EIF2A: variants seen among roughly 807,000 people sequenced by gnomAD.
The protein encoded by EIF2A is eukaryotic translation initiation factor 2A.
In EIF2A, 62 loss-of-function variants were observed where a neutral mutation model predicts 75.2. The ratio of observed to expected loss-of-function variants is 0.82; its 90% confidence interval spans 0.67 to 1.02. The LOEUF is 1.02. Ranked by LOEUF, EIF2A falls within the 50% of genes least tolerant of loss-of-function variation. The pLI is 0.00. For missense variants in EIF2A, 611 were observed against 677.7 expected, an observed-to-expected ratio of 0.90 and a Z score of 1.09; for synonymous variants, 207 against 239.0, an observed-to-expected ratio of 0.87 and a Z score of 1.23.
At chr3:150,572,985 C>T (rs1724630840) in intron 10 of EIF2A, among the ~76,000 whole-genome samples, 2 of 151,828 alleles carry the variant, frequency 1.3e-5, no homozygotes, top group African/African-American at 2.4e-5. Flanking sequence ...TATATAAAGA[C>T]ATAACATGAT....
In EIF2A at chr3:150,563,578, G is replaced by A; in HGVS notation, c.356G>A (p.Cys119Tyr). ...CTTTATGATGTGAAAACTGGGACAT[G>A]TTTGAAATCTTTCATCCAGAAAAAA... ...LQLYDVKTGT[C>Y]LKSFIQKKMQ... The change falls in exon 5 of 14, where the codon TGT (cysteine) becomes TAT (tyrosine). Residue 119 changes from cysteine (C) to tyrosine (Y), a missense_variant. Transcript: ENST00000460851. 1 of 1,539,680 alleles carries A rather than the reference G, an allele frequency of 6.5e-7. No homozygotes were observed. Among genetic ancestry groups the A allele is most frequent in the Non-Finnish European group, 8.7e-7 (1 of 1,144,122 alleles).
chr3:150,548,644 A>G (rs750396638), intron 1 of EIF2A, among the ~76,000 whole-genome samples: 3 of 152,364 alleles, frequency 2.0e-5, no homozygotes, highest in East Asian at 3.9e-4. Flanking sequence ...TGAACTGTGC[A>G]TACAAGAGAT....
At chr3:150,560,297 G>A (rs1723781809) in intron 3 of EIF2A, among the ~76,000 whole-genome samples, 1 of 152,102 alleles carries the variant, frequency 6.6e-6, no homozygotes, top group African/African-American at 2.4e-5. Context: ...TTGTTCTGGG[G>A]CAAGAGAACT....
At chr3:150,553,213 C>T (rs1469898791) in intron 2 of EIF2A, among the ~76,000 whole-genome samples, 11 of 151,146 alleles carry the variant, frequency 7.3e-5, no homozygotes. Context: ...AGCTACTCTA[C>T]TCGGGAGGCT....
chr3:150,573,925 G>A (rs983684265), intron 10 of EIF2A, among the ~76,000 whole-genome samples: 6 of 152,008 alleles, frequency 3.9e-5, no homozygotes, highest in South Asian at 2.1e-4. Flanking sequence ...AAATGCGTTC[G>A]TTGGTCCGGT....
At chr3:150,550,398 T>C (rs1262064428) in intron 1 of EIF2A, among the ~76,000 whole-genome samples, 1 of 152,254 alleles carries the variant, frequency 6.6e-6, no homozygotes, top group East Asian at 1.9e-4. Context: ...CTTTTATTAG[T>C]TTAAAACAGT....
chr3:150,572,240 G>C lies in EIF2A; in HGVS notation c.1094G>C (p.Trp365Ser). 6.2e-7 allele frequency: 1 copy of C among 1,613,908 alleles called. No individual in the cohort carries two copies. Among genetic ancestry groups the C allele is most frequent in the Non-Finnish European group, 8.5e-7 (1 of 1,179,862 alleles). Residue 365 changes from tryptophan (W) to serine (S), a missense_variant, in exon 10 of 14, where the codon TGG (tryptophan) becomes TCG (serine). Coordinates refer to ENST00000460851, the MANE Select transcript of EIF2A (RefSeq NM_032025.5). ...PVASDSTYFA[W>S]CPDGEHILTA... ...GCTTCTGATTCTACATATTTTGCTT[G>C]GTGCCCGGATGGTGAGCATATTTTA...
intron 11 of EIF2A, 63 bp downstream of exon 11, chr3:150,575,825 A>C: frequency 7.2e-7 from 1 of 1,396,892 alleles, no homozygotes; most frequent in South Asian, 1.3e-5. Flanking sequence ...GCAGTGGCTC[A>C]CGCCCGTAAT....
At chr3:150,575,815 G>A (rs1263327992) in intron 11 of EIF2A, 53 bp downstream of exon 11, 11 of 1,470,130 alleles carry the variant, frequency 7.5e-6, no homozygotes, top group East Asian at 2.4e-5. Context: ...ATGGCCGGGC[G>A]CAGTGGCTCA....
At chr3:150,552,291 A>C in intron 1 of EIF2A, 65 bp from the exon 2 acceptor site, 1 of 1,371,412 alleles carries the variant, frequency 7.3e-7, no homozygotes, top group Non-Finnish European at 1.0e-6. Context: ...TTTAAAAAAC[A>C]CATTTGTGTT....
intron 7 of EIF2A, 40 bp from the exon 8 acceptor site, chr3:150,567,861 CT>C: frequency 6.3e-7 from 1 of 1,578,358 alleles, no homozygotes. Context: ...AGTTTTTATT[CT>C]TCAAAAAATT....
intron 4 of EIF2A, 58 bp downstream of exon 4, chr3:150,562,718 GGA>G: frequency 1.5e-6 from 2 of 1,329,114 alleles, no homozygotes; most frequent in Non-Finnish European, 1.0e-6. Context: ...TTAGTGGGGG[GGA>G]AAAAGTTATA....
At chr3:150,565,220 T>C in intron 6 of EIF2A, 2 of 456,668 alleles carry the variant, frequency 4.4e-6, no homozygotes, top group South Asian at 3.1e-5. Flanking sequence ...TTCAGGTTCT[T>C]TTTTAGGTGA....
intron 12 of EIF2A, among the ~76,000 whole-genome samples, chr3:150,582,220 C>T (rs1220352480): frequency 6.6e-6 from 1 of 151,624 alleles, no homozygotes; most frequent in Non-Finnish European, 1.5e-5. Context: ...AGGCTGGTCT[C>T]AAACTCCTGC....
At chr3:150,577,879 G>C (rs1724961159) in intron 11 of EIF2A, among the ~76,000 whole-genome samples, 1 of 152,110 alleles carries the variant, frequency 6.6e-6, no homozygotes, top group African/African-American at 2.4e-5. Context: ...CTAAAATCTG[G>C]ACTTTTAGAA....
chr3:150,571,189 G>C (rs1724493965), intron 9 of EIF2A, among the ~76,000 whole-genome samples: 1 of 151,818 alleles, frequency 6.6e-6, no homozygotes, highest in Non-Finnish European at 1.5e-5. Flanking sequence ...ACCGAGGCTG[G>C]AGTGCAGTGG....
chr3:150,562,558 G>A lies in EIF2A; in HGVS notation c.190G>A (p.Val64Ile). 1.2e-6 allele frequency: 2 copies of A among 1,612,490 alleles called. No individual in the cohort carries two copies. The highest frequency in any genetic ancestry group is 1.7e-6 in the Non-Finnish European group (2 of 1,179,108). The stretch of plus-strand genomic sequence containing the variant: ...TGAAACCAGAGTAAATATTATCAGT[G>A]TCACTAACAAGGGACTACTGCACTC... ...GNGEKVNIIS[V>I]TNKGLLHSFD... The change falls in exon 4 of 14, where the codon GTC (valine) becomes ATC (isoleucine). Residue 64 changes from valine to isoleucine, a missense_variant. Coordinates refer to ENST00000460851, the MANE Select transcript of EIF2A (RefSeq NM_032025.5).
intron 2 of EIF2A, among the ~76,000 whole-genome samples, chr3:150,554,040 T>C (rs1021996265): frequency 1.3e-5 from 2 of 152,238 alleles, no homozygotes; most frequent in East Asian, 3.9e-4. Context: ...GGACAGAAAA[T>C]GTACAAGTTG....
intron 9 of EIF2A, among the ~76,000 whole-genome samples, chr3:150,568,508 C>T (rs1381157529): frequency 6.6e-6 from 1 of 152,170 alleles, no homozygotes; most frequent in Non-Finnish European, 1.5e-5. Context: ...GTTACGCCAT[C>T]GTTTTAGAAG....
Sources: allele counts gnomAD v4.1 joint callset (sites outside exome capture counted in the v4.1 genomes callset), GRCh38; gene constraint gnomAD v4.1.1; transcripts MANE v1.5; gene names NCBI Gene and HGNC (gene_info 2026-07-23, HGNC 2026-07-21).